Variants in PRKG1 observed in about 807,000 individuals in gnomAD.
The protein encoded by PRKG1 is protein kinase cGMP-dependent 1.
A neutral mutation model predicts 88.1 loss-of-function variants in PRKG1; 35 were observed. That is an observed-to-expected ratio of 0.40 (90% CI 0.30 to 0.53). The LOEUF (loss-of-function observed/expected upper bound fraction) is 0.53, where lower values mean the gene tolerates loss of function less well. Ranked by LOEUF, PRKG1 falls within the 20% of genes least tolerant of loss-of-function variation. The pLI, the probability that PRKG1 is intolerant of heterozygous loss-of-function variation, is 0.59. For synonymous variants in PRKG1, 303 were observed against 292.5 expected, an observed-to-expected ratio of 1.04 and a Z score of -0.37; for missense variants, 540 against 839.8, an observed-to-expected ratio of 0.64 and a Z score of 4.41.
At chr10:51,595,343 A>C (rs1017279704) in intron 3 of PRKG1, among the ~76,000 whole-genome samples, 6 of 152,184 alleles carry the variant, frequency 3.9e-5, no homozygotes, top group Admixed American at 2.6e-4. Context: ...AGATAAAAAT[A>C]GGTCAGGTGT....
chr10:51,686,077 C>CT lies in PRKG1; in HGVS notation c.593-118502dup, dbSNP rs1290786493. Among the ~76,000 whole-genome samples, 11 of 152,238 alleles carry CT rather than the reference C, an allele frequency of 7.2e-5. No individual in the cohort carries two copies. The East Asian group carries it at 2.1e-3, about 29-fold the overall frequency. ...ATGGGCAAGAGATGCAGATAAGCCT[C>CT]TTTTTTCCTCTACCCGGAATAATCC... is the stretch of plus-strand genomic sequence containing the variant. On this transcript the variant is annotated intron_variant, in intron 3 of 17. Transcript: ENST00000373980.
intron 2 of PRKG1, among the ~76,000 whole-genome samples, chr10:51,182,995 T>C (rs746626140): frequency 2.2e-4 from 33 of 152,164 alleles, no homozygotes; most frequent in Non-Finnish European, 3.8e-4. Context: ...ATATTTAATA[T>C]TGATTAAAAA....
chr10:52,248,616 C>T (rs1217595335), intron 9 of PRKG1, among the ~76,000 whole-genome samples: 1 of 152,182 alleles, frequency 6.6e-6, no homozygotes, highest in South Asian at 2.1e-4. Context: ...TGCATCAAAA[C>T]GTGAAATATT....
intron 3 of PRKG1, among the ~76,000 whole-genome samples, chr10:51,666,906 C>T (rs556864043): frequency 7.2e-5 from 11 of 151,876 alleles, no homozygotes; most frequent in Admixed American, 2.0e-4. Context: ...GTGATTTTCC[C>T]GCCTCAGCCT....
chr10:51,505,454 A>G (rs1384151178), intron 3 of PRKG1, among the ~76,000 whole-genome samples: 2 of 152,022 alleles, frequency 1.3e-5, no homozygotes. Flanking sequence ...TGTCTCTGCT[A>G]GGCTTTGGTA....
At chr10:51,893,704 C>T (rs1841776272) in intron 4 of PRKG1, among the ~76,000 whole-genome samples, 1 of 152,184 alleles carries the variant, frequency 6.6e-6, no homozygotes, top group African/African-American at 2.4e-5. Context: ...ACAGCAGCCC[C>T]TTGGCCAAAT....
intron 5 of PRKG1, among the ~76,000 whole-genome samples, chr10:51,955,602 G>GT (rs1240278051): frequency 6.6e-6 from 1 of 152,190 alleles, no homozygotes; most frequent in East Asian, 1.9e-4. Context: ...ATGATGAATA[G>GT]TTTTTTAATG....
At chr10:52,209,400 T>C (rs1249436713) in intron 9 of PRKG1, among the ~76,000 whole-genome samples, 2 of 152,220 alleles carry the variant, frequency 1.3e-5, no homozygotes, top group Non-Finnish European at 2.9e-5. Context: ...CTTAGCAAAC[T>C]GGCCACACAC....
intron 1 of PRKG1, among the ~76,000 whole-genome samples, chr10:51,124,767 C>T (rs866489887): frequency 6.6e-5 from 10 of 152,144 alleles, no homozygotes; most frequent in Non-Finnish European, 8.8e-5. Flanking sequence ...AAACTCCAAA[C>T]GGGCTGAATG....
chr10:51,257,172 T>G (rs1010031567), intron 2 of PRKG1, among the ~76,000 whole-genome samples: 5 of 151,890 alleles, frequency 3.3e-5, no homozygotes, highest in African/African-American at 1.2e-4. Flanking sequence ...AAGGGTTTTT[T>G]TTTTTTTTTT....
intron 3 of PRKG1, among the ~76,000 whole-genome samples, chr10:51,757,834 A>G (rs1003515266): frequency 5.3e-4 from 81 of 152,372 alleles, no homozygotes; most frequent in African/African-American, 1.9e-3. Context: ...AATAGAAAAG[A>G]TAAAATTAAA....
chr10:51,074,335 G>A, upstream of PRKG1: 1 of 790,794 alleles, frequency 1.3e-6, no homozygotes, highest in Non-Finnish European at 1.8e-6. Flanking sequence ...TTTAATCCCG[G>A]GTTGGACCTG....
At chr10:51,517,145 G>A (rs1433594015) in intron 3 of PRKG1, among the ~76,000 whole-genome samples, 1 of 152,168 alleles carries the variant, frequency 6.6e-6, no homozygotes, top group African/African-American at 2.4e-5. Context: ...CACAACACAG[G>A]AGACTTTCTA....
chr10:51,551,277 G>A (rs1315214877), intron 3 of PRKG1, among the ~76,000 whole-genome samples: 1 of 151,680 alleles, frequency 6.6e-6, no homozygotes, highest in East Asian at 1.9e-4. Context: ...CCTTTGTTAA[G>A]GAATTCAAAG....
At chr10:51,043,314 TACCTG>T (rs1843448015) in intron 1 of PRKG1, among the ~76,000 whole-genome samples, 1 of 152,150 alleles carries the variant, frequency 6.6e-6, no homozygotes, top group Non-Finnish European at 1.5e-5. Flanking sequence ...GCAGAATGAA[TACCTG>T]TTTCATAAGG....
At chr10:51,451,888 A>G (rs1839448192) in intron 2 of PRKG1, among the ~76,000 whole-genome samples, 2 of 151,972 alleles carry the variant, frequency 1.3e-5, no homozygotes, top group Admixed American at 6.6e-5. Flanking sequence ...TAATTGTCCA[A>G]AAGTGAATAG....
intron 9 of PRKG1, among the ~76,000 whole-genome samples, chr10:52,235,854 A>G (rs961689669): frequency 1.4e-4 from 17 of 122,454 alleles, no homozygotes; most frequent in Middle Eastern, 3.5e-3. Flanking sequence ...CCAAATCAAC[A>G]GAATATACAT....
intron 9 of PRKG1, among the ~76,000 whole-genome samples, chr10:52,239,650 T>G (rs1310058290): frequency 6.6e-6 from 1 of 151,732 alleles, no homozygotes; most frequent in African/African-American, 2.4e-5. Context: ...GCTGTTCAAC[T>G]AGATATATAC....
At chr10:51,947,165 T>C (rs1488225381) in intron 5 of PRKG1, among the ~76,000 whole-genome samples, 2 of 152,114 alleles carry the variant, frequency 1.3e-5, no homozygotes, top group African/African-American at 2.4e-5. Context: ...GCCTGGGCAA[T>C]GGCAGGCTCC....
Sources: allele counts gnomAD v4.1 joint callset (sites outside exome capture counted in the v4.1 genomes callset), GRCh38; gene constraint gnomAD v4.1.1; transcripts MANE v1.5; gene names NCBI Gene and HGNC (gene_info 2026-07-23, HGNC 2026-07-21).